Variants in SPICE1 observed in about 807,000 individuals in gnomAD.
SPICE1 encodes spindle and centriole-associated protein 1.
SPICE1 carries 75 observed loss-of-function variants against 102.7 expected under a neutral mutation model. The ratio of observed to expected loss-of-function variants is 0.73; its 90% CI spans 0.61 to 0.88. The LOEUF is 0.88. Ranked by LOEUF, SPICE1 falls within the 40% of genes least tolerant of loss-of-function variation. SPICE1 has a pLI of 0.00. For synonymous variants in SPICE1, 308 were observed against 350.3 expected, an observed-to-expected ratio of 0.88 and a Z score of 1.35; for missense variants, 979 against 1,020.1, an observed-to-expected ratio of 0.96 and a Z score of 0.55.
In SPICE1 at chr3:113,457,287, CT is replaced by C. The variant is rs1935800926; in HGVS notation, c.1505del (p.Gln502ArgfsTer18). 1.2e-6 allele frequency: 2 copies of C among 1,614,084 alleles called. No homozygotes were observed. The highest frequency in any genetic ancestry group is 1.7e-6 in the Non-Finnish European group (2 of 1,180,040). The stretch of plus-strand genomic sequence containing the variant: ...GAGACAGTTTAACGGGCAACTCTTC[CT>C]GTGGGAATTCAGCCACTTCCTCTCT... Reference protein sequence around the residue: ...MFREEVAEFPQEELPVKLSQV... With the variant: ...MFREEVAEFPXEELPVKLSQV... On this transcript the variant is annotated frameshift_variant, in exon 13 of 18. Coordinates refer to ENST00000295872, the MANE Select transcript of SPICE1 (RefSeq NM_144718.4). LOFTEE classifies it high-confidence loss of function.
At chr3:113,484,638 C>T (rs139475134) in intron 7 of SPICE1, among the ~76,000 whole-genome samples, 187 of 150,598 alleles carry the variant, frequency 1.2e-3, no homozygotes, top group African/African-American at 4.2e-3. Flanking sequence ...GTTATGTACC[C>T]AGTAGTCATT....
intron 7 of SPICE1, among the ~76,000 whole-genome samples, chr3:113,479,217 C>T (rs1936435017): frequency 1.4e-5 from 2 of 147,614 alleles, no homozygotes. Context: ...TGAGTGAGAA[C>T]ATGTGGTGTT....
In SPICE1 at chr3:113,511,661, G is replaced by A. The variant is rs182313789; in HGVS notation, c.-1+3236C>T. ...GCATCAGGAAAAATAGCTAATGCAC[G>A]CTAGATTTAATACCTAGGTGATGGG... On this transcript the variant is annotated intron_variant, in intron 1 of 17. Coordinates refer to ENST00000295872, the MANE Select transcript of SPICE1 (RefSeq NM_144718.4). Among the ~76,000 whole-genome samples, 106 of 152,228 alleles carry A rather than the reference G, an allele frequency of 7.0e-4. 2 individuals carry two copies. The South Asian group carries it at 0.02, about 29-fold the overall frequency.
At chr3:113,489,478 C>A (rs751186475) in intron 6 of SPICE1, among the ~76,000 whole-genome samples, 1 of 152,184 alleles carries the variant, frequency 6.6e-6, no homozygotes, top group Non-Finnish European at 1.5e-5. Context: ...AACCTCAACA[C>A]ACTTATTTCT....
intron 12 of SPICE1, among the ~76,000 whole-genome samples, chr3:113,458,916 T>A (rs1200182418): frequency 2.0e-5 from 3 of 151,538 alleles, no homozygotes; most frequent in Admixed American, 2.0e-4. Context: ...GTCTGGGAGG[T>A]GTACCCAACA....
intron 1 of SPICE1, 23 bp from the exon 2 acceptor site, chr3:113,506,628 A>AT: frequency 6.3e-7 from 1 of 1,585,816 alleles, no homozygotes; most frequent in Non-Finnish European, 8.6e-7. Context: ...ATCACATCAA[A>AT]TTTTTAAAAT....
intron 3 of SPICE1, among the ~76,000 whole-genome samples, chr3:113,501,634 G>A (rs1376883774): frequency 6.6e-6 from 1 of 152,080 alleles, no homozygotes; most frequent in Non-Finnish European, 1.5e-5. Flanking sequence ...AAAGAATATA[G>A]TAGAAATGGC....
At position 113,473,689 on chromosome 3, in the gene SPICE1, C is replaced by T. The variant is rs566705843; in HGVS notation, c.612-4451G>A. 8.0e-3 allele frequency among the ~76,000 whole-genome samples: 1,215 copies of T among 151,464 alleles called. 18 individuals carry two copies. The highest frequency in any genetic ancestry group is 0.028 in the African/African-American group (1,153 of 41,222). ...GAATTTCATATCCAGCCAAACTAAG[C>T]TTCATAAGTGAAGGAGAAATAAAAT... On this transcript the variant is annotated intron_variant, in intron 7 of 17. Coordinates refer to ENST00000295872, the MANE Select transcript of SPICE1 (RefSeq NM_144718.4).
intron 15 of SPICE1, chr3:113,450,032 T>C (rs1935609124): frequency 7.4e-6 from 2 of 271,782 alleles, no homozygotes; most frequent in South Asian, 2.0e-4. Flanking sequence ...TCATGCTTAG[T>C]TGCAGCATAT....
At chr3:113,468,940 A>G (rs1458232306) in intron 8 of SPICE1, 41 bp from the exon 9 acceptor site, 1 of 1,588,182 alleles carries the variant, frequency 6.3e-7, no homozygotes, top group Admixed American at 1.8e-5. Flanking sequence ...CAAGTGAACA[A>G]ACTTCTTAAG....
chr3:113,468,699 G>C, intron 9 of SPICE1, 63 bp downstream of exon 9: 1 of 1,529,242 alleles, frequency 6.5e-7, no homozygotes, highest in Non-Finnish European at 8.8e-7. Context: ...TTGACTAAGA[G>C]ATTAAGACAG....
intron 1 of SPICE1, among the ~76,000 whole-genome samples, chr3:113,511,184 T>C (rs1001872601): frequency 2.6e-5 from 4 of 152,200 alleles, no homozygotes; most frequent in African/African-American, 9.6e-5. Context: ...AGTTCAACCA[T>C]TGTGGAAGAC....
chr3:113,450,312 T>C lies in SPICE1; in HGVS notation c.2323+24A>G, dbSNP rs770024627. Reference sequence around the variant, plus strand: ...CTGAAAACCTTCATATTTCTAGTTTTTAAATCATGAATTTGTGACCAACCA... The same window carrying C: ...CTGAAAACCTTCATATTTCTAGTTTCTAAATCATGAATTTGTGACCAACCA... On this transcript the variant is annotated intron_variant, in intron 15 of 17. Coordinates refer to ENST00000295872, the MANE Select transcript of SPICE1 (RefSeq NM_144718.4). 3 of 1,613,404 alleles carry C rather than the reference T, an allele frequency of 1.9e-6. No homozygotes were observed. In the Admixed American group the frequency reaches 5.0e-5, roughly 27 times the overall value.
At chr3:113,514,678 C>T (rs1484469940) in intron 1 of SPICE1, 1 of 907,396 alleles carries the variant, frequency 1.1e-6, no homozygotes. Flanking sequence ...TTCTGAGAAG[C>T]CCCTCTGACA....
intron 7 of SPICE1, among the ~76,000 whole-genome samples, chr3:113,480,276 G>A (rs915597775): frequency 6.7e-6 from 1 of 149,732 alleles, no homozygotes; most frequent in African/African-American, 2.4e-5. Context: ...AAAGCTATCA[G>A]CCTCAAAAAA....
At chr3:113,482,948 A>C (rs1324240714) in intron 7 of SPICE1, among the ~76,000 whole-genome samples, 1 of 152,224 alleles carries the variant, frequency 6.6e-6, no homozygotes, top group Non-Finnish European at 1.5e-5. Context: ...GAAGAAAGCC[A>C]ATGGTAGCTT....
intron 7 of SPICE1, among the ~76,000 whole-genome samples, chr3:113,482,369 C>T (rs7650671): frequency 0.32 from 48,415 of 151,952 alleles, 9,076 homozygotes; most frequent in African/African-American, 0.52. Flanking sequence ...ACCTGTTCAC[C>T]ATGATCACAG....
chr3:113,461,661 A>G (rs1935936476), intron 11 of SPICE1, among the ~76,000 whole-genome samples: 1 of 152,234 alleles, frequency 6.6e-6, no homozygotes, highest in African/African-American at 2.4e-5. Flanking sequence ...GAACAAAAGG[A>G]GAGTTCTGTA....
chr3:113,492,324 T>C (rs1460501921), intron 6 of SPICE1, among the ~76,000 whole-genome samples: 2 of 152,202 alleles, frequency 1.3e-5, no homozygotes, highest in African/African-American at 4.8e-5. Flanking sequence ...ATGATTCTCT[T>C]CTTTTTTCAT....
Sources: allele counts gnomAD v4.1 joint callset (sites outside exome capture counted in the v4.1 genomes callset), GRCh38; gene constraint gnomAD v4.1.1; transcripts MANE v1.5; gene names NCBI Gene and HGNC (gene_info 2026-07-23, HGNC 2026-07-21).